The following SLC17A3 variants were observed in gnomAD, a reference collection of about 807,000 sequenced individuals.
SLC17A3 encodes sodium-dependent phosphate transport protein 4.
SLC17A3 carries 61 observed loss-of-function variants against 60.3 expected under a neutral mutation model. The observed-to-expected ratio is 1.01, with a 90% CI of 0.82 to 1.25. The LOEUF (loss-of-function observed/expected upper bound fraction) is 1.25. SLC17A3 is among the 50% of genes most tolerant of loss of function. The probability of loss-of-function intolerance (pLI) is 0.00; values close to 1 mark genes in which losing one functional copy is unlikely to be tolerated. For synonymous variants in SLC17A3, 192 were observed against 208.9 expected, an observed-to-expected ratio of 0.92 and a Z score of 0.70; for missense variants, 624 against 594.9, an observed-to-expected ratio of 1.05 and a Z score of -0.51.
At chr6:25,861,476 G>T in intron 5 of SLC17A3, 148 bp downstream of exon 5, 1 of 731,176 alleles carries the variant, frequency 1.4e-6, no homozygotes, top group South Asian at 1.5e-5. Flanking sequence ...TGAAAGTCAT[G>T]TCATAGACAA....
At chr6:25,854,712 C>T (rs572417899) in intron 6 of SLC17A3, among the ~76,000 whole-genome samples, 1 of 151,600 alleles carries the variant, frequency 6.6e-6, no homozygotes, top group Non-Finnish European at 1.5e-5. Flanking sequence ...CTTGGTGTTT[C>T]GTGTTTTCTC....
chr6:25,862,478 T>A (rs1384112892), intron 2 of SLC17A3, 34 bp from the exon 3 acceptor site: 1 of 1,534,366 alleles, frequency 6.5e-7, no homozygotes, highest in South Asian at 1.1e-5. Context: ...TAGTGTTTTT[T>A]AAAATTGAGC....
At chr6:25,850,917 T>C in intron 6 of SLC17A3, 40 bp from the exon 7 acceptor site, 1 of 1,482,664 alleles carries the variant, frequency 6.7e-7, no homozygotes, top group East Asian at 2.3e-5. Context: ...GGCTGTTTTC[T>C]GCTTTTTGGG....
chr6:25,865,160 G>A (rs1765514802), intron 2 of SLC17A3, among the ~76,000 whole-genome samples: 1 of 152,014 alleles, frequency 6.6e-6, no homozygotes, highest in African/African-American at 2.4e-5. Context: ...TAGCTCATGT[G>A]TCTATGCTCT....
rs1352712905 is a variant in SLC17A3, at chr6:25,845,503, C to T, written c.1376G>A (p.Gly459Glu). The T allele has an allele frequency of 1.2e-5, 19 of 1,613,854 alleles. No homozygotes were observed. The highest frequency in any genetic ancestry group is 1.6e-5 in the Non-Finnish European group (19 of 1,179,932). Residue 459 changes from glycine to glutamate, a missense_variant, in exon 12 of 13, where the codon GGG becomes GAG. Gly to Glu is a moderately conservative substitution (Grantham distance 98, BLOSUM62 -2). Coordinates refer to ENST00000397060, the MANE Select transcript of SLC17A3 (RefSeq NM_001098486.2). ...GFLLSQDPEF[G>E]WRNVFFLLFA... is the part of the protein sequence containing the mutation. ...CAGCAAGAAGAAGACATTCCTCCAC[C>T]CAAACTCAGGGTCCTGGAGACACAA...
chr6:25,849,542 C>T, intron 10 of SLC17A3, 78 bp from the exon 11 acceptor site: 2 of 875,940 alleles, frequency 2.3e-6, no homozygotes, highest in Non-Finnish European at 3.9e-6. Flanking sequence ...ATGTATGAAT[C>T]TATAACTCAA....
At chr6:25,850,646 C>T (rs372214708) in intron 7 of SLC17A3, 26 bp from the exon 8 acceptor site, 21 of 1,613,614 alleles carry the variant, frequency 1.3e-5, no homozygotes, top group African/African-American at 1.1e-4. Context: ...CTGGTCATAA[C>T]GGTAAATCCG....
chr6:25,847,974 C>T (rs374811862), intron 11 of SLC17A3, among the ~76,000 whole-genome samples: 3 of 152,150 alleles, frequency 2.0e-5, no homozygotes, highest in Non-Finnish European at 2.9e-5. Flanking sequence ...TTAGCTCCCA[C>T]TTGTGAGTGA....
chr6:25,864,014 G>A (rs963719764), intron 2 of SLC17A3, among the ~76,000 whole-genome samples: 2 of 152,062 alleles, frequency 1.3e-5, no homozygotes, highest in Non-Finnish European at 1.5e-5. Flanking sequence ...GATAAATGCT[G>A]TAGAGAAAAT....
intron 5 of SLC17A3, among the ~76,000 whole-genome samples, chr6:25,861,063 C>T (rs991764872): frequency 3.9e-5 from 6 of 152,178 alleles, no homozygotes; most frequent in East Asian, 1.9e-4. Context: ...TAGCAGTCTC[C>T]TGTTTCTTAA....
At chr6:25,849,760 C>A (rs1765239169) in intron 10 of SLC17A3, 45 bp downstream of exon 10, 1 of 1,602,080 alleles carries the variant, frequency 6.2e-7, no homozygotes, top group Non-Finnish European at 8.5e-7. Flanking sequence ...AAAGCTAAAT[C>A]TTTTAAAGAA....
At chr6:25,866,251 C>T (rs906657094) in intron 2 of SLC17A3, among the ~76,000 whole-genome samples, 2 of 151,954 alleles carry the variant, frequency 1.3e-5, no homozygotes, top group African/African-American at 4.8e-5. Context: ...AGTTGGAGAA[C>T]CTAACACGAT....
At chr6:25,851,611 G>A (rs1765279078) in intron 6 of SLC17A3, among the ~76,000 whole-genome samples, 1 of 151,956 alleles carries the variant, frequency 6.6e-6, no homozygotes, top group African/African-American at 2.4e-5. Context: ...TTTTTTGCAT[G>A]TGGATATCCA....
At chr6:25,852,620 TTTTTCATCTCAGATACTGTAC>T (rs1333825670) in intron 6 of SLC17A3, among the ~76,000 whole-genome samples, 1 of 152,154 alleles carries the variant, frequency 6.6e-6, no homozygotes. Flanking sequence ...ATTCAGTGCA[TTTTTCATCTCAGATACTGTAC>T]TTTTCATCTC....
At chr6:25,854,351 A>G (rs1765326489) in intron 6 of SLC17A3, among the ~76,000 whole-genome samples, 1 of 152,154 alleles carries the variant, frequency 6.6e-6, no homozygotes. Context: ...TCAGATTGTT[A>G]TATCTTCTTG....
intron 11 of SLC17A3, among the ~76,000 whole-genome samples, chr6:25,846,839 C>T (rs952189359): frequency 2.0e-5 from 3 of 152,164 alleles, no homozygotes; most frequent in African/African-American, 7.2e-5. Context: ...TCTTGATCTC[C>T]TGACCTCGTG....
At chr6:25,853,759 T>A (rs1043267587) in intron 6 of SLC17A3, among the ~76,000 whole-genome samples, 1 of 152,174 alleles carries the variant, frequency 6.6e-6, no homozygotes, top group Non-Finnish European at 1.5e-5. Flanking sequence ...CAGTTTGATT[T>A]AGGTTTACTT....
chr6:25,859,634 T>A (rs1490666226), intron 5 of SLC17A3, among the ~76,000 whole-genome samples: 1 of 152,192 alleles, frequency 6.6e-6, no homozygotes, highest in Non-Finnish European at 1.5e-5. Flanking sequence ...TCCTTGTGTT[T>A]TTCCCATACA....
chr6:25,856,430 A>C (rs1237361913), intron 5 of SLC17A3, among the ~76,000 whole-genome samples: 1 of 152,166 alleles, frequency 6.6e-6, no homozygotes, highest in East Asian at 1.9e-4. Context: ...TAGAGATGGG[A>C]ATCTTGCTGT....
Sources: gnomAD v4.1 joint callset for allele counts (sites outside exome capture counted in the v4.1 genomes callset) on GRCh38, gnomAD v4.1.1 for gene constraint, MANE v1.5 for transcripts, NCBI Gene and HGNC (gene_info 2026-07-23, HGNC 2026-07-21) for gene names.